The following UGT1A8 variants were observed in gnomAD, a reference collection of about 807,000 sequenced individuals.
UGT1A8 encodes the protein UDP glucuronosyltransferase family 1 member A8.
Under a neutral mutation model 45.3 loss-of-function variants are expected in UGT1A8, and 39 were observed. The ratio of observed to expected loss-of-function variants is 0.86; its 90% CI spans 0.67 to 1.12. The LOEUF (loss-of-function observed/expected upper bound fraction) is 1.12, where lower values mean the gene tolerates loss of function less well. UGT1A8 is among the 50% of genes most tolerant of loss of function. The probability of loss-of-function intolerance (pLI) is 0.00; values close to 1 mark genes in which losing one functional copy is unlikely to be tolerated. For synonymous variants in UGT1A8, 275 were observed against 249.2 expected (o/e 1.10, Z -0.97); for missense variants, 719 against 664.9 (o/e 1.08, Z -0.90).
chr2:233,671,846 G>A (rs922301895), intron 1 of UGT1A8: 22 of 1,492,504 alleles, frequency 1.5e-5, no homozygotes, highest in Middle Eastern at 3.6e-4. Context: ...GCCCTCTATT[G>A]GGGTCAGGTT....
At chr2:233,643,449 T>C (rs1344459847) in intron 1 of UGT1A8, among the ~76,000 whole-genome samples, 1 of 152,052 alleles carries the variant, frequency 6.6e-6, no homozygotes, top group Non-Finnish European at 1.5e-5. Context: ...TTCAAGGCAG[T>C]GGGCTCCCCT....
intron 1 of UGT1A8, among the ~76,000 whole-genome samples, chr2:233,700,387 T>C (rs887496616): frequency 6.6e-6 from 1 of 152,216 alleles, no homozygotes; most frequent in African/African-American, 2.4e-5. Flanking sequence ...TCCAGGCATG[T>C]GGAACATTTT....
At chr2:233,754,577 C>T (rs1133490) in intron 1 of UGT1A8, 2 of 424,484 alleles carry the variant, frequency 4.7e-6, no homozygotes, top group Non-Finnish European at 9.4e-6. Context: ...TGCTCTATGC[C>T]GTTTATTATG....
At chr2:233,675,079 C>T (rs143673451) in intron 1 of UGT1A8, among the ~76,000 whole-genome samples, 15 of 152,104 alleles carry the variant, frequency 9.9e-5, no homozygotes, top group African/African-American at 3.1e-4. Flanking sequence ...GTGCAGTGTC[C>T]CAGACCCTGC....
intron 1 of UGT1A8, chr2:233,689,923 C>T (rs945044389): frequency 2.2e-6 from 1 of 456,518 alleles, no homozygotes; most frequent in African/African-American, 2.0e-5. Flanking sequence ...CTGGAATTTC[C>T]TTCGAAAGAA....
intron 1 of UGT1A8, among the ~76,000 whole-genome samples, chr2:233,764,553 G>A (rs1698592090): frequency 1.3e-5 from 2 of 152,198 alleles, no homozygotes; most frequent in South Asian, 4.1e-4. Flanking sequence ...GTGTGGGAGG[G>A]TGTGCCTGGA....
At chr2:233,665,635 G>T (rs926597749) in intron 1 of UGT1A8, among the ~76,000 whole-genome samples, 5 of 152,204 alleles carry the variant, frequency 3.3e-5, no homozygotes, top group Non-Finnish European at 7.3e-5. Context: ...TGGGCTCTGA[G>T]GTCTAAGGGC....
chr2:233,655,245 A>C (rs1010495385), intron 1 of UGT1A8, among the ~76,000 whole-genome samples: 1 of 152,174 alleles, frequency 6.6e-6, no homozygotes, highest in African/African-American at 2.4e-5. Flanking sequence ...ATTATCAGCT[A>C]CCTGTTTTCC....
intron 1 of UGT1A8, among the ~76,000 whole-genome samples, chr2:233,679,226 G>T (rs1406428659): frequency 2.6e-5 from 4 of 152,180 alleles, no homozygotes; most frequent in Non-Finnish European, 4.4e-5. Context: ...GCTAGGGAAT[G>T]GTCCAATATC....
intron 1 of UGT1A8, among the ~76,000 whole-genome samples, chr2:233,654,811 G>C (rs1192449344): frequency 6.6e-6 from 1 of 152,156 alleles, no homozygotes; most frequent in African/African-American, 2.4e-5. Context: ...CAGAAATAAG[G>C]CCCAGCACAG....
At chr2:233,746,830 T>C (rs2125880707) in intron 1 of UGT1A8, among the ~76,000 whole-genome samples, 1 of 151,918 alleles carries the variant, frequency 6.6e-6, no homozygotes, top group South Asian at 2.1e-4. Context: ...TGCCTACCAC[T>C]GTTGGGGACC....
At chr2:233,700,848 A>T (rs1341869131) in intron 1 of UGT1A8, among the ~76,000 whole-genome samples, 2 of 151,952 alleles carry the variant, frequency 1.3e-5, no homozygotes, top group Non-Finnish European at 2.9e-5. Flanking sequence ...CATTAGGTAT[A>T]TCTCCTAATG....
At position 233,635,292 on chromosome 2, in the gene UGT1A8, T is replaced by C. The variant is rs1022761066; in HGVS notation, c.855+16730T>C. Among the ~76,000 whole-genome samples, 20 of 150,880 alleles carry C rather than the reference T, an allele frequency of 1.3e-4. 1 individual carries two copies. The highest frequency in any genetic ancestry group is 4.9e-4 in the African/African-American group (20 of 40,806). ...TGATTATGTGTCTTGGAGTTGCTTT[T>C]CTCGAGGAGTATCTTTATGGTGTTC... On this transcript the variant is annotated intron_variant, in intron 1 of 4. Coordinates refer to ENST00000373450, the MANE Select transcript of UGT1A8 (RefSeq NM_019076.5).
chr2:233,650,674 A>G (rs2073716282), intron 1 of UGT1A8, among the ~76,000 whole-genome samples: 2 of 152,174 alleles, frequency 1.3e-5, no homozygotes, highest in African/African-American at 4.8e-5. Flanking sequence ...ATCTCAGCAT[A>G]AATTTTATGC....
intron 1 of UGT1A8, among the ~76,000 whole-genome samples, chr2:233,675,243 G>C (rs147327316): frequency 1.0e-3 from 154 of 152,146 alleles, no homozygotes; most frequent in African/African-American, 2.5e-3. Flanking sequence ...GATTTGGAGG[G>C]GACAAACTTC....
intron 1 of UGT1A8, among the ~76,000 whole-genome samples, chr2:233,721,307 T>C (rs1157154346): frequency 1.3e-5 from 2 of 152,202 alleles, no homozygotes; most frequent in Non-Finnish European, 2.9e-5. Flanking sequence ...GAATAGTGAT[T>C]GTGGCTCTTT....
At chr2:233,757,537 T>TAAATATACATATAC (rs1696591664) in intron 1 of UGT1A8, among the ~76,000 whole-genome samples, 2 of 107,778 alleles carry the variant, frequency 1.9e-5, no homozygotes, top group African/African-American at 9.3e-5. Context: ...CTGTAAGGAA[T>TAAATATACATATAC]ATATATATAT....
chr2:233,712,608 G>A (rs889827578), intron 1 of UGT1A8, among the ~76,000 whole-genome samples: 3 of 152,186 alleles, frequency 2.0e-5, no homozygotes, highest in African/African-American at 7.2e-5. Flanking sequence ...GGGGACTAGG[G>A]CAATGGTGAC....
At chr2:233,671,801 T>C in intron 1 of UGT1A8, 2 of 1,380,146 alleles carry the variant, frequency 1.4e-6, no homozygotes, top group Non-Finnish European at 1.9e-6. Context: ...TCATTGTCAG[T>C]GACTGATTTT....
Sources: allele counts gnomAD v4.1 joint callset (sites outside exome capture counted in the v4.1 genomes callset), GRCh38; gene constraint gnomAD v4.1.1; transcripts MANE v1.5; gene names NCBI Gene and HGNC (gene_info 2026-07-23, HGNC 2026-07-21).